The following FSHR variants were observed in gnomAD, a reference collection of about 807,000 sequenced individuals.
FSHR encodes the protein follicle stimulating hormone receptor, also known as follicle-stimulating hormone receptor.
FSHR carries 46 observed loss-of-function variants against 52.1 expected under a neutral mutation model. The observed-to-expected ratio is 0.88, with a 90% CI of 0.70 to 1.13. The LOEUF is 1.13. Among genes scored for constraint, FSHR ranks in the 50% most tolerant of loss-of-function variants. The pLI, the probability that FSHR is intolerant of heterozygous loss-of-function variation, is 0.00. For synonymous variants in FSHR, 399 were observed against 309.6 expected (o/e 1.29, Z -3.03); for missense variants, 964 against 834.6 (o/e 1.16, Z -1.91).
intron 2 of FSHR, among the ~76,000 whole-genome samples, chr2:49,065,611 C>G (rs1230439405): frequency 3.3e-5 from 5 of 152,060 alleles, no homozygotes; most frequent in Non-Finnish European, 1.5e-5. Context: ...TTGCAGTTCA[C>G]TCAGATGTAG....
At chr2:49,064,353 C>CT (rs1458324673) in intron 2 of FSHR, among the ~76,000 whole-genome samples, 35 of 230 alleles carry the variant, frequency 0.15, 1 homozygote, top group South Asian at 0.5. Context: ...ACCACAAGGG[C>CT]CCATCCCCAT....
chr2:49,025,229 A>T (rs778264567), intron 2 of FSHR, among the ~76,000 whole-genome samples: 1 of 152,182 alleles, frequency 6.6e-6, no homozygotes, highest in Non-Finnish European at 1.5e-5. Flanking sequence ...ACAAATGTTC[A>T]ACGAATTTTG....
chr2:48,981,630 T>G (rs1359360612), intron 8 of FSHR, among the ~76,000 whole-genome samples: 1 of 152,188 alleles, frequency 6.6e-6, no homozygotes, highest in Non-Finnish European at 1.5e-5. Flanking sequence ...TACCTTGAAG[T>G]GTATATTTCT....
chr2:49,132,405 C>G (rs1331233135), intron 1 of FSHR, among the ~76,000 whole-genome samples: 1 of 152,048 alleles, frequency 6.6e-6, no homozygotes, highest in African/African-American at 2.4e-5. Flanking sequence ...ATCAAAGGAG[C>G]ACTGGAAAGC....
chr2:49,094,116 C>A (rs953151877), intron 1 of FSHR, among the ~76,000 whole-genome samples: 2 of 152,076 alleles, frequency 1.3e-5, no homozygotes, highest in Non-Finnish European at 2.9e-5. Context: ...ATATTTCTCT[C>A]AAATTGTATT....
intron 1 of FSHR, among the ~76,000 whole-genome samples, chr2:49,135,458 T>A (rs1672457051): frequency 6.6e-6 from 1 of 152,164 alleles, no homozygotes; most frequent in African/African-American, 2.4e-5. Flanking sequence ...GGAATCCAGC[T>A]AAGGTCATGC....
At chr2:49,022,390 T>C (rs181249738) in intron 2 of FSHR, among the ~76,000 whole-genome samples, 15 of 152,252 alleles carry the variant, frequency 9.9e-5, no homozygotes, top group Middle Eastern at 6.8e-3. Context: ...GGTAGGGGGA[T>C]GCCTTTGGCC....
At chr2:48,996,028 T>C (rs1337499182) in intron 4 of FSHR, among the ~76,000 whole-genome samples, 2 of 151,916 alleles carry the variant, frequency 1.3e-5, no homozygotes, top group East Asian at 3.9e-4. Flanking sequence ...ATGCTGCCAG[T>C]TGTGTGTCCA....
intron 9 of FSHR, among the ~76,000 whole-genome samples, chr2:48,964,817 G>A (rs142133258): frequency 1.2e-3 from 184 of 152,236 alleles, no homozygotes; most frequent in Non-Finnish European, 2.1e-3. Context: ...TACTTACAGA[G>A]GGATTTGAAT....
At chr2:49,080,245 C>T (rs1386056629) in intron 1 of FSHR, among the ~76,000 whole-genome samples, 1 of 152,134 alleles carries the variant, frequency 6.6e-6, no homozygotes, top group Non-Finnish European at 1.5e-5. Flanking sequence ...TTTCTACAGT[C>T]TTGATGGAAG....
intron 8 of FSHR, among the ~76,000 whole-genome samples, chr2:48,982,116 A>T (rs1443629713): frequency 6.6e-6 from 1 of 152,080 alleles, no homozygotes; most frequent in African/African-American, 2.4e-5. Flanking sequence ...TGTGATTGTG[A>T]TGCAGATTGT....
At chr2:48,994,625 T>C (rs35694729) in intron 4 of FSHR, among the ~76,000 whole-genome samples, 83,030 of 146,644 alleles carry the variant, frequency 0.57, 24,386 homozygotes, top group Non-Finnish European at 0.67. Flanking sequence ...GATCAATAAA[T>C]TCATGCTGAT....
intron 1 of FSHR, among the ~76,000 whole-genome samples, chr2:49,087,070 G>GATTTTTTT (rs60949511): frequency 1.6e-4 from 14 of 86,726 alleles, no homozygotes; most frequent in African/African-American, 6.0e-4. Flanking sequence ...TGTGGGCAGG[G>GATTTTTTT]TTTTTTTTTT....
chr2:49,016,468 G>T (rs1470985111), intron 4 of FSHR, among the ~76,000 whole-genome samples: 1 of 152,034 alleles, frequency 6.6e-6, no homozygotes, highest in Non-Finnish European at 1.5e-5. Flanking sequence ...TAGAACCCTG[G>T]GATTACCATG....
intron 4 of FSHR, among the ~76,000 whole-genome samples, chr2:49,016,872 C>A (rs1667508752): frequency 6.6e-6 from 1 of 152,128 alleles, no homozygotes; most frequent in South Asian, 2.1e-4. Context: ...AGTTTAACTC[C>A]AGCGACCAAA....
At chr2:48,989,195 G>C in intron 5 of FSHR, 141 bp from the exon 6 acceptor site, 1 of 639,532 alleles carries the variant, frequency 1.6e-6, no homozygotes, top group South Asian at 1.8e-5. Flanking sequence ...AAGATGATCA[G>C]CTCAAAGTTT....
intron 2 of FSHR, among the ~76,000 whole-genome samples, chr2:49,061,728 AT>A (rs1669306906): frequency 7.6e-6 from 1 of 132,020 alleles, no homozygotes; most frequent in African/African-American, 2.7e-5. Context: ...ATATATAAAA[AT>A]ATATAGCTAT....
At chr2:49,114,424 A>G (rs1272388759) in intron 1 of FSHR, among the ~76,000 whole-genome samples, 1 of 152,186 alleles carries the variant, frequency 6.6e-6, no homozygotes, top group Non-Finnish European at 1.5e-5. Flanking sequence ...TTTATAAACC[A>G]CAGTCTTGGC....
intron 2 of FSHR, among the ~76,000 whole-genome samples, chr2:49,067,029 T>C (rs967426941): frequency 6.6e-6 from 1 of 152,078 alleles, no homozygotes; most frequent in South Asian, 2.1e-4. Context: ...CTCAATGAGG[T>C]AAACCCGGAA....
Sources: allele counts gnomAD v4.1 joint callset (sites outside exome capture counted in the v4.1 genomes callset), GRCh38; gene constraint gnomAD v4.1.1; transcripts MANE v1.5; gene names NCBI Gene and HGNC (gene_info 2026-07-23, HGNC 2026-07-21).